The following XPO1 variants were observed in gnomAD, a reference collection of about 807,000 sequenced individuals.
XPO1 encodes exportin 1.
XPO1 carries 5 observed loss-of-function variants against 133.3 expected under a neutral mutation model. The observed-to-expected ratio is 0.04, with a 90% CI of 0.02 to 0.08. The LOEUF (loss-of-function observed/expected upper bound fraction) is 0.08. Among genes scored for constraint, XPO1 ranks in the 10% least tolerant of loss-of-function variants. The probability of loss-of-function intolerance (pLI) is 1.00; values close to 1 mark genes in which losing one functional copy is unlikely to be tolerated. For missense variants in XPO1, 506 were observed against 1,267.5 expected (o/e 0.40, Z 9.12); for synonymous variants, 419 against 408.2 (o/e 1.03, Z -0.32).
intron 4 of XPO1, among the ~76,000 whole-genome samples, chr2:61,510,637 T>C (rs1698043743): frequency 6.6e-6 from 1 of 152,138 alleles, no homozygotes; most frequent in Admixed American, 6.5e-5. Context: ...TCACTCATGA[T>C]AGCCAAAAGG....
At chr2:61,534,979 A>G (rs938551829) in intron 1 of XPO1, among the ~76,000 whole-genome samples, 4 of 152,214 alleles carry the variant, frequency 2.6e-5, no homozygotes, top group East Asian at 3.8e-4. Context: ...CCAGGTATTC[A>G]TTGGCAAGGT....
intron 4 of XPO1, among the ~76,000 whole-genome samples, chr2:61,516,452 G>A (rs1435743280): frequency 6.6e-6 from 1 of 151,628 alleles, no homozygotes; most frequent in African/African-American, 2.4e-5. Context: ...TTCGCTCTTG[G>A]TGCCCAGGCC....
intron 4 of XPO1, among the ~76,000 whole-genome samples, chr2:61,512,596 G>A (rs1164123042): frequency 6.6e-6 from 1 of 152,138 alleles, no homozygotes; most frequent in Non-Finnish European, 1.5e-5. Flanking sequence ...ATCAGGAATT[G>A]ACATTAAAGA....
intron 24 of XPO1, 40 bp from the exon 25 acceptor site, chr2:61,479,006 T>TC (rs1229805993): frequency 6.3e-7 from 1 of 1,589,108 alleles, no homozygotes; most frequent in African/African-American, 1.4e-5. Flanking sequence ...GCAATAAACT[T>TC]CAACTTGCAA....
rs56213841 is a variant in XPO1, at chr2:61,500,578, C to CAAAAAAAAAAAAA, written c.409-697_409-685dup. On this transcript the variant is annotated intron_variant, in intron 6 of 24. Coordinates refer to ENST00000401558, the MANE Select transcript of XPO1 (RefSeq NM_003400.4). ...TGGGCAACAGGATGAGACTCCATCTCAAAAAAAAAAAAAAAAAAAAGAGCA... is the reference window on the plus strand; with the variant it reads ...TGGGCAACAGGATGAGACTCCATCTCAAAAAAAAAAAAAAAAAAAAAAAAAAAAAAAAAGAGCA... 2.2e-3 allele frequency among the ~76,000 whole-genome samples: 88 copies of CAAAAAAAAAAAAA among 40,376 alleles called. 7 individuals are homozygous for CAAAAAAAAAAAAA. Among genetic ancestry groups the CAAAAAAAAAAAAA allele is most frequent in the African/African-American group, 5.8e-3 (43 of 7,426 alleles). 26.5% of individuals were successfully genotyped at this position (40,376 alleles called of 152,430 possible).
chr2:61,488,277 A>T lies in XPO1; in HGVS notation c.2207-6T>A. On this transcript the variant is annotated splice_region_variant and splice_polypyrimidine_tract_variant and intron_variant, in intron 18 of 24. Coordinates refer to ENST00000401558, the MANE Select transcript of XPO1 (RefSeq NM_003400.4). ...TTGCTTTGTAACCATTTCACCTACA[A>T]AACAGAATCAAATGGAATCTAATTT... 2 of 1,611,328 alleles carry T rather than the reference A, an allele frequency of 1.2e-6. No individual in the cohort carries two copies. Among genetic ancestry groups the T allele is most frequent in the Non-Finnish European group, 1.7e-6 (2 of 1,177,696 alleles).
At chr2:61,536,391 T>G (rs1185932354) in intron 1 of XPO1, 4 of 152,228 alleles carry the variant, frequency 2.6e-5, no homozygotes, top group Non-Finnish European at 5.9e-5. Flanking sequence ...TCATTCCCAT[T>G]GGGCTCTTCA....
In XPO1 at chr2:61,506,430, A is replaced by C. The variant is rs1014721876; in HGVS notation, c.302-4120T>G. Among the ~76,000 whole-genome samples the C allele has an allele frequency of 3.8e-4, 58 of 151,760 alleles. 1 individual carries two copies. The highest frequency in any genetic ancestry group is 7.7e-4 in the Non-Finnish European group (52 of 67,940). The stretch of plus-strand genomic sequence containing the variant: ...AGAGCAAGACTCCGTCTCAAAAACA[A>C]CAACAAAAAATTCCAACTGTAGGCC... On this transcript the variant is annotated intron_variant, in intron 4 of 24. Transcript: ENST00000401558.
chr2:61,516,633 C>T (rs1410848922), intron 4 of XPO1, among the ~76,000 whole-genome samples: 3 of 152,024 alleles, frequency 2.0e-5, no homozygotes, highest in African/African-American at 4.8e-5. Context: ...AGGCTGGTCT[C>T]GAACTCCGGA....
chr2:61,491,991 A>G (rs1217914229), intron 16 of XPO1, 44 bp downstream of exon 16: 1 of 1,599,472 alleles, frequency 6.3e-7, no homozygotes, highest in Non-Finnish European at 8.6e-7. Flanking sequence ...GATTGATACA[A>G]GTGTTACTTT....
At chr2:61,521,521 T>C (rs960331881) in intron 4 of XPO1, among the ~76,000 whole-genome samples, 3 of 152,158 alleles carry the variant, frequency 2.0e-5, no homozygotes, top group Admixed American at 1.3e-4. Context: ...CCCAAGAAAC[T>C]AATGTTGCCT....
intron 11 of XPO1, chr2:61,494,341 C>T (rs1275147096): frequency 8.5e-6 from 3 of 354,214 alleles, no homozygotes; most frequent in Admixed American, 4.7e-5. Context: ...CCTAATGGAA[C>T]GACATTTATT....
chr2:61,486,860 G>C (rs995378100), intron 19 of XPO1, among the ~76,000 whole-genome samples: 1 of 152,110 alleles, frequency 6.6e-6, no homozygotes, highest in Admixed American at 6.5e-5. Context: ...AACTGGACTT[G>C]AGCTGGGGTG....
chr2:61,525,366 T>C (rs1201486908), intron 3 of XPO1: 5 of 990,012 alleles, frequency 5.1e-6, no homozygotes, highest in African/African-American at 3.5e-5. Flanking sequence ...TGGAACATTA[T>C]GATTAATATC....
At chr2:61,518,369 G>A (rs553549148) in intron 4 of XPO1, among the ~76,000 whole-genome samples, 50 of 149,958 alleles carry the variant, frequency 3.3e-4, no homozygotes, top group African/African-American at 1.1e-3. Context: ...TGGCTAACAC[G>A]GTGAAACCCC....
chr2:61,524,530 G>C (rs555939256), intron 3 of XPO1, among the ~76,000 whole-genome samples: 156 of 152,278 alleles, frequency 1.0e-3, no homozygotes, highest in African/African-American at 3.6e-3. Context: ...TTAGGTCAAA[G>C]GAATACATCT....
intron 6 of XPO1, among the ~76,000 whole-genome samples, chr2:61,501,108 C>A (rs1258864774): frequency 6.6e-6 from 1 of 152,146 alleles, no homozygotes; most frequent in African/African-American, 2.4e-5. Context: ...TCTCTCACCA[C>A]TCAGAGAAGG....
intron 19 of XPO1, among the ~76,000 whole-genome samples, chr2:61,486,800 ACTATGGATTT>A (rs1696717363): frequency 6.6e-6 from 1 of 152,042 alleles, no homozygotes; most frequent in African/African-American, 2.4e-5. Context: ...AATAAGAAAG[ACTATGGATTT>A]CTATTATTTT....
chr2:61,495,422 G>C, intron 11 of XPO1, 33 bp downstream of exon 11: 1 of 1,486,850 alleles, frequency 6.7e-7, no homozygotes. Flanking sequence ...AGGCAGAGCA[G>C]AATTTTAGGA....
Sources: allele counts gnomAD v4.1 joint callset (sites outside exome capture counted in the v4.1 genomes callset), GRCh38; gene constraint gnomAD v4.1.1; transcripts MANE v1.5; gene names NCBI Gene and HGNC (gene_info 2026-07-23, HGNC 2026-07-21).